The following PTPRD variants were observed in gnomAD, a reference collection of about 807,000 sequenced individuals.
The protein encoded by PTPRD is receptor-type tyrosine-protein phosphatase delta.
PTPRD carries 34 observed loss-of-function variants against 214.5 expected under a neutral mutation model. The observed-to-expected ratio is 0.16, with a 90% CI of 0.12 to 0.21. The LOEUF (loss-of-function observed/expected upper bound fraction) is 0.21, where lower values mean the gene tolerates loss of function less well. Ranked by LOEUF, PTPRD falls within the 10% of genes least tolerant of loss-of-function variation. The pLI, the probability that PTPRD is intolerant of heterozygous loss-of-function variation, is 1.00. For missense variants in PTPRD, 2,545 were observed against 2,398.7 expected, an observed-to-expected ratio of 1.06 and a Z score of -1.27; for synonymous variants, 1,128 against 845.7, an observed-to-expected ratio of 1.33 and a Z score of -5.79.
intron 8 of PTPRD, among the ~76,000 whole-genome samples, chr9:9,565,807 G>A (rs1224985331): frequency 6.6e-6 from 1 of 151,954 alleles, no homozygotes; most frequent in East Asian, 1.9e-4. Context: ...CGTTTCCTAG[G>A]ATTTTGAAGA....
intron 3 of PTPRD, among the ~76,000 whole-genome samples, chr9:10,224,628 G>T (rs1594717380): frequency 6.6e-6 from 1 of 151,898 alleles, no homozygotes; most frequent in South Asian, 2.1e-4. Context: ...AATATTGATA[G>T]TTTCTTGTTA....
rs191478933 is a variant in PTPRD, at chr9:10,488,295, A to G, written c.-600+124103T>C. On this transcript the variant is annotated intron_variant, in intron 2 of 45. Transcript: ENST00000381196. ...GGCAGGAGAATGGCACGAACCTGGG[A>G]GGCGGAGCTTGCAGTGAGCCGAGAT... Among the ~76,000 whole-genome samples the G allele has an allele frequency of 1.7e-3, 245 of 145,750 alleles. 4 individuals carry two copies. Among genetic ancestry groups the G allele is most frequent in the African/African-American group, 6.0e-3 (236 of 39,312 alleles).
At chr9:8,378,955 A>C (rs779708036) in intron 37 of PTPRD, among the ~76,000 whole-genome samples, 1 of 152,104 alleles carries the variant, frequency 6.6e-6, no homozygotes, top group East Asian at 1.9e-4. Flanking sequence ...AATAAGTTTC[A>C]AACTGCAACT....
At chr9:8,453,112 G>A (rs1446475156) in intron 33 of PTPRD, among the ~76,000 whole-genome samples, 3 of 152,120 alleles carry the variant, frequency 2.0e-5, no homozygotes, top group African/African-American at 7.2e-5. Context: ...CTAAGTTTTG[G>A]TTCAACTCTC....
chr9:9,547,825 T>G, intron 8 of PTPRD, among the ~76,000 whole-genome samples: 1 of 88,282 alleles, frequency 1.1e-5, no homozygotes, highest in Non-Finnish European at 2.6e-5. Context: ...CACACACACA[T>G]CAGGAAAAAG....
intron 30 of PTPRD, among the ~76,000 whole-genome samples, 185 bp downstream of exon 30, chr9:8,483,934 C>G (rs1250473034): frequency 1.3e-5 from 2 of 152,212 alleles, no homozygotes; most frequent in Non-Finnish European, 2.9e-5. Flanking sequence ...TAATGAAAAT[C>G]TGTGTTACAA....
chr9:9,668,359 G>T (rs1463996973), intron 7 of PTPRD, among the ~76,000 whole-genome samples: 1 of 152,074 alleles, frequency 6.6e-6, no homozygotes, highest in Non-Finnish European at 1.5e-5. Flanking sequence ...TTGCTTATTT[G>T]GGGAAATTTT....
intron 11 of PTPRD, among the ~76,000 whole-genome samples, chr9:8,902,106 T>C (rs2098673765): frequency 6.6e-6 from 1 of 150,806 alleles, no homozygotes; most frequent in South Asian, 2.1e-4. Flanking sequence ...ATTACTGTAT[T>C]ATCATATACT....
intron 2 of PTPRD, among the ~76,000 whole-genome samples, chr9:10,546,478 C>T (rs1382850707): frequency 1.6e-5 from 2 of 122,464 alleles, no homozygotes; most frequent in African/African-American, 6.5e-5. Flanking sequence ...ATCTTTACTG[C>T]AAAGAAGTAG....
intron 3 of PTPRD, among the ~76,000 whole-genome samples, chr9:10,219,050 A>C (rs1421674903): frequency 6.6e-6 from 1 of 151,856 alleles, no homozygotes; most frequent in Non-Finnish European, 1.5e-5. Flanking sequence ...TTAAAAACCC[A>C]AATTCAAAGC....
At chr9:9,350,765 T>C (rs141187810) in intron 9 of PTPRD, among the ~76,000 whole-genome samples, 270 of 152,132 alleles carry the variant, frequency 1.8e-3, no homozygotes, top group African/African-American at 6.2e-3. Context: ...CAAAACACTA[T>C]AGTACAATAT....
chr9:9,554,450 G>A (rs1457021826), intron 8 of PTPRD, among the ~76,000 whole-genome samples: 1 of 151,688 alleles, frequency 6.6e-6, no homozygotes, highest in Non-Finnish European at 1.5e-5. Context: ...AGGTTACACT[G>A]GGAGCTATTT....
At chr9:10,456,410 G>T (rs1053022429) in intron 2 of PTPRD, among the ~76,000 whole-genome samples, 3 of 151,998 alleles carry the variant, frequency 2.0e-5, no homozygotes, top group Middle Eastern at 3.4e-3. Flanking sequence ...ATTAGAGGTG[G>T]AAACATTTCA....
intron 9 of PTPRD, among the ~76,000 whole-genome samples, chr9:9,306,754 T>C (rs1957283313): frequency 6.6e-6 from 1 of 152,112 alleles, no homozygotes; most frequent in Admixed American, 6.6e-5. Flanking sequence ...AACACTCTCA[T>C]TTTTGGGGAG....
At chr9:10,545,259 G>C (rs1482017506) in intron 2 of PTPRD, among the ~76,000 whole-genome samples, 1 of 152,132 alleles carries the variant, frequency 6.6e-6, no homozygotes, top group Non-Finnish European at 1.5e-5. Flanking sequence ...GATGCAAAGT[G>C]GGGAGAGAGA....
chr9:8,718,062 A>T (rs2098455351), intron 12 of PTPRD, among the ~76,000 whole-genome samples: 1 of 152,218 alleles, frequency 6.6e-6, no homozygotes, highest in Admixed American at 6.5e-5. Flanking sequence ...ATGGACCTGG[A>T]AGAGGAGGTG....
intron 3 of PTPRD, among the ~76,000 whole-genome samples, chr9:10,090,894 G>A (rs1394895881): frequency 7.5e-6 from 1 of 134,178 alleles, no homozygotes; most frequent in Non-Finnish European, 1.6e-5. Context: ...TACACCAAAG[G>A]ACATTTGTGT....
intron 3 of PTPRD, among the ~76,000 whole-genome samples, chr9:10,184,340 A>C (rs71501060): frequency 0.078 from 11,879 of 152,138 alleles, 680 homozygotes; most frequent in African/African-American, 0.16. Flanking sequence ...CATGAGAATC[A>C]CTTGAACCCG....
chr9:8,491,052 T>G (rs1217744028), intron 27 of PTPRD, among the ~76,000 whole-genome samples: 1 of 152,234 alleles, frequency 6.6e-6, no homozygotes, highest in African/African-American at 2.4e-5. Flanking sequence ...AAACCATGAG[T>G]AGCGGCTGCT....
Sources: gnomAD v4.1 joint callset for allele counts (sites outside exome capture counted in the v4.1 genomes callset) on GRCh38, gnomAD v4.1.1 for gene constraint, MANE v1.5 for transcripts, NCBI Gene and HGNC (gene_info 2026-07-23, HGNC 2026-07-21) for gene names.